AGBL1: variants seen among roughly 807,000 people sequenced by gnomAD.
AGBL1 encodes AGBL carboxypeptidase 1, also known as cytosolic carboxypeptidase 4.
In AGBL1, 130 loss-of-function variants were observed where a neutral mutation model predicts 118.9. The ratio of observed to expected loss-of-function variants is 1.09; its 90% CI spans 0.95 to 1.26. The LOEUF (loss-of-function observed/expected upper bound fraction) is 1.26. Among genes scored for constraint, AGBL1 ranks in the 50% most tolerant of loss-of-function variants. The pLI is 0.00. For synonymous variants in AGBL1, 555 were observed against 478.9 expected, an observed-to-expected ratio of 1.16 and a Z score of -2.08; for missense variants, 1,584 against 1,298.1, an observed-to-expected ratio of 1.22 and a Z score of -3.38.
intron 19 of AGBL1, among the ~76,000 whole-genome samples, chr15:86,527,013 T>C (rs2083277132): frequency 6.6e-6 from 1 of 151,986 alleles, no homozygotes; most frequent in South Asian, 2.1e-4. Flanking sequence ...AAAACAAGAA[T>C]ACTGGTTCTA....
intron 22 of AGBL1, among the ~76,000 whole-genome samples, chr15:86,809,871 C>T (rs779762118): frequency 1.4e-4 from 21 of 152,210 alleles, no homozygotes; most frequent in Non-Finnish European, 2.1e-4. Context: ...TGGCTTTGGG[C>T]TTTCTTGATG....
chr15:86,895,429 G>A lies in AGBL1; in HGVS notation c.3159-11658G>A, dbSNP rs114393115. The stretch of plus-strand genomic sequence containing the variant: ...TTTTTTTAATTATTTTTGCATTTGC[G>A]TGTATTTCTTGAGCTCCGTTTTCTT... On this transcript the variant is annotated intron_variant, in intron 22 of 22. Transcript: ENST00000614907. Among the ~76,000 whole-genome samples the A allele has an allele frequency of 7.7e-3, 1,159 of 149,650 alleles. 10 individuals are homozygous for A. The highest frequency in any genetic ancestry group is 0.024 in the Middle Eastern group (7 of 288).
chr15:86,782,468 A>G (rs192590148), intron 22 of AGBL1, among the ~76,000 whole-genome samples: 3 of 152,316 alleles, frequency 2.0e-5, no homozygotes, highest in Admixed American at 2.0e-4. Flanking sequence ...TTGAAATGCT[A>G]TGTAATCTGC....
At chr15:86,479,336 G>C (rs1367808893) in intron 18 of AGBL1, among the ~76,000 whole-genome samples, 1 of 152,168 alleles carries the variant, frequency 6.6e-6, no homozygotes, top group East Asian at 1.9e-4. Context: ...CTACTCATCT[G>C]ACAAAGGGCT....
chr15:86,394,478 A>T (rs1479462889), intron 17 of AGBL1, among the ~76,000 whole-genome samples: 1 of 152,144 alleles, frequency 6.6e-6, no homozygotes, highest in African/African-American at 2.4e-5. Flanking sequence ...TAATATTATT[A>T]TAAGGATGAC....
chr15:86,294,364 A>C (rs2079597761), intron 16 of AGBL1, among the ~76,000 whole-genome samples: 1 of 133,868 alleles, frequency 7.5e-6, no homozygotes, highest in South Asian at 2.4e-4. Context: ...GCGCCACTGC[A>C]CTCCAGCCTG....
chr15:86,671,817 A>C (rs1462141228), intron 21 of AGBL1, among the ~76,000 whole-genome samples: 1 of 152,198 alleles, frequency 6.6e-6, no homozygotes, highest in East Asian at 1.9e-4. Flanking sequence ...CCACTCATTT[A>C]GAGTCGCTAT....
intron 22 of AGBL1, among the ~76,000 whole-genome samples, chr15:86,866,352 A>G (rs1314740949): frequency 6.6e-6 from 1 of 152,144 alleles, no homozygotes; most frequent in Non-Finnish European, 1.5e-5. Context: ...AGCCATATTT[A>G]CTTCATGTCG....
intron 22 of AGBL1, among the ~76,000 whole-genome samples, chr15:86,767,955 C>T (rs2078119732): frequency 6.6e-6 from 1 of 151,914 alleles, no homozygotes; most frequent in African/African-American, 2.4e-5. Flanking sequence ...ACCATGAAAA[C>T]CGTGAGTTGA....
At chr15:86,169,186 G>A (rs1020048292) in intron 5 of AGBL1, among the ~76,000 whole-genome samples, 42 of 152,166 alleles carry the variant, frequency 2.8e-4, no homozygotes, top group African/African-American at 9.4e-4. Flanking sequence ...GAGAAACCAA[G>A]GTGCATAGCA....
intron 17 of AGBL1, among the ~76,000 whole-genome samples, chr15:86,352,169 G>C (rs2080638120): frequency 6.6e-6 from 1 of 152,190 alleles, no homozygotes; most frequent in Admixed American, 6.5e-5. Context: ...GACTTGAACA[G>C]AACCTCACAA....
chr15:86,295,758 C>T (rs2079625667), intron 17 of AGBL1: 1 of 167,092 alleles, frequency 6.0e-6, no homozygotes, highest in Non-Finnish European at 1.3e-5. Context: ...TGTTATGTGA[C>T]TCTCAGTCAG....
At chr15:86,297,952 A>G (rs1180923504) in intron 17 of AGBL1, among the ~76,000 whole-genome samples, 1 of 152,112 alleles carries the variant, frequency 6.6e-6, no homozygotes, top group Non-Finnish European at 1.5e-5. Flanking sequence ...ATTAGATACT[A>G]GCTGAGTTGT....
intron 5 of AGBL1, among the ~76,000 whole-genome samples, chr15:86,185,094 A>G (rs904811755): frequency 1.3e-4 from 20 of 152,232 alleles, no homozygotes; most frequent in Admixed American, 2.0e-4. Context: ...AAGTGGGCGA[A>G]GGATATGAAC....
chr15:86,746,080 G>A (rs893159861), intron 22 of AGBL1, among the ~76,000 whole-genome samples: 1 of 152,020 alleles, frequency 6.6e-6, no homozygotes, highest in Non-Finnish European at 1.5e-5. Context: ...CTTCATCCCA[G>A]TAAGGGCCTC....
chr15:86,743,380 A>G (rs1213883169), intron 22 of AGBL1, among the ~76,000 whole-genome samples: 1 of 152,116 alleles, frequency 6.6e-6, no homozygotes, highest in East Asian at 1.9e-4. Flanking sequence ...TCTGGGGAAC[A>G]TCTTTCAAAT....
chr15:87,002,126 T>C (rs2081446368), intron 24 of AGBL1, among the ~76,000 whole-genome samples: 1 of 152,090 alleles, frequency 6.6e-6, no homozygotes, highest in Admixed American at 6.6e-5. Flanking sequence ...AACATTTAAG[T>C]CTTTAATCCA....
chr15:86,679,608 T>C (rs952653701), intron 22 of AGBL1, among the ~76,000 whole-genome samples: 20 of 152,072 alleles, frequency 1.3e-4, no homozygotes, highest in Admixed American at 8.5e-4. Flanking sequence ...CTGAGGCATT[T>C]ATGAGCATCC....
rs536544352 is a variant in AGBL1, at chr15:86,560,056, A to G, written c.2994+5519A>G. Among the ~76,000 whole-genome samples the G allele has an allele frequency of 2.6e-5, 4 of 152,298 alleles. No individual in the cohort carries two copies. In the East Asian group the frequency reaches 7.7e-4, roughly 29 times the overall value. On this transcript the variant is annotated intron_variant, in intron 21 of 22. Coordinates refer to ENST00000614907, the MANE Select transcript of AGBL1 (RefSeq NM_001386094.1). ...GACCAAGTTTTTTGCTGGGTATCCA[A>G]GGGACTTATGGATCACCCAGACCAG...
Sources: allele counts gnomAD v4.1 joint callset (sites outside exome capture counted in the v4.1 genomes callset), GRCh38; gene constraint gnomAD v4.1.1; transcripts MANE v1.5; gene names NCBI Gene and HGNC (gene_info 2026-07-23, HGNC 2026-07-21).